ARID2: variants seen among roughly 807,000 people sequenced by gnomAD.
ARID2 encodes AT-rich interaction domain 2.
A neutral mutation model predicts 184.6 loss-of-function variants in ARID2; 32 were observed. That is an observed-to-expected ratio of 0.17 (90% CI 0.13 to 0.23). The LOEUF is 0.23. Ranked by LOEUF, ARID2 falls within the 10% of genes least tolerant of loss-of-function variation. The pLI, the probability that ARID2 is intolerant of heterozygous loss-of-function variation, is 1.00. For missense variants in ARID2, 1,696 were observed against 2,197.6 expected, an observed-to-expected ratio of 0.77 and a Z score of 4.56; for synonymous variants, 836 against 772.6, an observed-to-expected ratio of 1.08 and a Z score of -1.36.
At chr12:45,733,277 T>C (rs925544365) in intron 3 of ARID2, among the ~76,000 whole-genome samples, 10 of 152,218 alleles carry the variant, frequency 6.6e-5, no homozygotes, top group African/African-American at 2.2e-4. Flanking sequence ...AAAGAATTTT[T>C]TCCTGGTGGT....
chr12:45,765,717 T>C (rs1340632486), intron 3 of ARID2, among the ~76,000 whole-genome samples: 1 of 152,158 alleles, frequency 6.6e-6, no homozygotes, highest in Non-Finnish European at 1.5e-5. Context: ...TTTTGAATTG[T>C]ATAAAGTATA....
chr12:45,833,478 G>A (rs770257150), intron 6 of ARID2, among the ~76,000 whole-genome samples: 2 of 151,858 alleles, frequency 1.3e-5, no homozygotes, highest in African/African-American at 4.8e-5. Context: ...TTTTTGTCTT[G>A]GTTATGGGTC....
intron 16 of ARID2, among the ~76,000 whole-genome samples, chr12:45,869,487 GGTA>G (rs1179502701): frequency 6.6e-6 from 1 of 151,768 alleles, no homozygotes; most frequent in Non-Finnish European, 1.5e-5. Flanking sequence ...ATTGCTAGGT[GGTA>G]GTCTTATATT....
chr12:45,886,442 T>C (rs900754724), intron 16 of ARID2, among the ~76,000 whole-genome samples: 12 of 152,186 alleles, frequency 7.9e-5, no homozygotes, highest in Non-Finnish European at 1.6e-4. Context: ...AGGAGCACAG[T>C]GCAAGCTGTT....
At chr12:45,890,168 G>T (rs1336244809) in intron 16 of ARID2, among the ~76,000 whole-genome samples, 1 of 152,142 alleles carries the variant, frequency 6.6e-6, no homozygotes, top group African/African-American at 2.4e-5. Context: ...AGACTCTGAG[G>T]ACAGATAGAC....
chr12:45,839,251 G>T (rs1417480355), intron 10 of ARID2, 78 bp from the exon 11 acceptor site: 1 of 1,294,900 alleles, frequency 7.7e-7, no homozygotes, highest in Non-Finnish European at 1.1e-6. Context: ...TAAGTATTCT[G>T]TACAACATGT....
intron 6 of ARID2, among the ~76,000 whole-genome samples, chr12:45,822,747 A>G (rs1021825635): frequency 1.3e-5 from 2 of 152,190 alleles, no homozygotes; most frequent in African/African-American, 4.8e-5. Context: ...GTAATTATAT[A>G]ATGAAACAAG....
intron 3 of ARID2, among the ~76,000 whole-genome samples, chr12:45,759,562 A>G (rs1192607203): frequency 6.6e-6 from 1 of 152,142 alleles, no homozygotes; most frequent in African/African-American, 2.4e-5. Context: ...TGGTGTACTT[A>G]TCTTATTGAA....
Position 45,800,438 on chromosome 12 carries a change from T to C in ARID2, c.285-10980T>C, listed in dbSNP as rs1161479101. On this transcript the variant is annotated intron_variant, in intron 3 of 20. Coordinates refer to ENST00000334344, the MANE Select transcript of ARID2 (RefSeq NM_152641.4). ...GTACTGGAGAAAAAAGTTTAAAATA[T>C]GAAAAGAGATAACTGTGATGTTGAA... Among the ~76,000 whole-genome samples, 107 of 152,178 alleles carry C rather than the reference T, an allele frequency of 7.0e-4. 1 individual carries two copies. The highest frequency in any genetic ancestry group is 1.2e-4 in the Non-Finnish European group (8 of 68,028).
intron 20 of ARID2, chr12:45,893,925 C>A: frequency 2.5e-6 from 1 of 403,316 alleles, no homozygotes; most frequent in South Asian, 5.9e-5. Context: ...AAAAGGTGGT[C>A]TCTTAAGTTG....
intron 3 of ARID2, among the ~76,000 whole-genome samples, chr12:45,779,485 A>G (rs1942048402): frequency 6.6e-6 from 1 of 152,154 alleles, no homozygotes; most frequent in Non-Finnish European, 1.5e-5. Flanking sequence ...TTGAACATTT[A>G]AAAAACATAC....
chr12:45,828,964 AT>A (rs1943057774), intron 6 of ARID2, among the ~76,000 whole-genome samples: 1 of 151,960 alleles, frequency 6.6e-6, no homozygotes. Context: ...GAAGTTGGCC[AT>A]TTTTTAGTTC....
chr12:45,831,564 A>G (rs972414018), intron 6 of ARID2, among the ~76,000 whole-genome samples: 4 of 152,140 alleles, frequency 2.6e-5, no homozygotes, highest in Non-Finnish European at 5.9e-5. Context: ...TAAACATACT[A>G]TAAATTATTG....
intron 20 of ARID2, among the ~76,000 whole-genome samples, chr12:45,900,322 A>G (rs963626610): frequency 6.6e-6 from 1 of 152,044 alleles, no homozygotes; most frequent in African/African-American, 2.4e-5. Flanking sequence ...TGGCCTCCCA[A>G]TGGGCTGGGA....
chr12:45,748,152 C>T (rs1941393792), intron 3 of ARID2, among the ~76,000 whole-genome samples: 2 of 152,100 alleles, frequency 1.3e-5, no homozygotes, highest in South Asian at 4.1e-4. Flanking sequence ...TGCTTGAGGC[C>T]AGGAGTTTGA....
intron 6 of ARID2, among the ~76,000 whole-genome samples, chr12:45,835,925 G>T (rs144330948): frequency 1.3e-5 from 2 of 151,174 alleles, no homozygotes; most frequent in African/African-American, 4.8e-5. Flanking sequence ...AAACAAAAAA[G>T]AAATGTCAAA....
intron 16 of ARID2, among the ~76,000 whole-genome samples, chr12:45,863,822 T>TTTTTTC (rs1351500144): frequency 6.8e-6 from 1 of 147,260 alleles, no homozygotes; most frequent in Admixed American, 7.1e-5. Flanking sequence ...ATTCTCCTTT[T>TTTTTTC]TTTTTCTTTT....
chr12:45,879,829 G>A (rs1944071497), intron 16 of ARID2, among the ~76,000 whole-genome samples: 1 of 152,142 alleles, frequency 6.6e-6, no homozygotes, highest in Non-Finnish European at 1.5e-5. Context: ...ATGTGTGATT[G>A]TATAAAACAT....
chr12:45,883,187 A>T (rs1944132152), intron 16 of ARID2, among the ~76,000 whole-genome samples: 1 of 152,094 alleles, frequency 6.6e-6, no homozygotes, highest in Admixed American at 6.6e-5. Context: ...CTTAGGCCTT[A>T]ACTACTGATT....
Sources: allele counts gnomAD v4.1 joint callset (sites outside exome capture counted in the v4.1 genomes callset), GRCh38; gene constraint gnomAD v4.1.1; transcripts MANE v1.5; gene names NCBI Gene and HGNC (gene_info 2026-07-23, HGNC 2026-07-21).